FOXN3: variants seen among roughly 807,000 people sequenced by gnomAD.
FOXN3 encodes forkhead box protein N3.
Under a neutral mutation model 38.4 loss-of-function variants are expected in FOXN3, and 7 were observed. The observed-to-expected ratio is 0.18, with a 90% CI of 0.10 to 0.34. The LOEUF is 0.34. Among genes scored for constraint, FOXN3 ranks in the 10% least tolerant of loss-of-function variants. FOXN3 has a pLI of 1.00. For missense variants in FOXN3, 456 were observed against 613.4 expected, an observed-to-expected ratio of 0.74 and a Z score of 2.71; for synonymous variants, 230 against 242.2, an observed-to-expected ratio of 0.95 and a Z score of 0.47.
intron 4 of FOXN3, among the ~76,000 whole-genome samples, chr14:89,265,455 A>G (rs1054513630): frequency 6.6e-6 from 1 of 152,162 alleles, no homozygotes; most frequent in African/African-American, 2.4e-5. Flanking sequence ...AATCACTGTA[A>G]TCAGACCAGC....
At chr14:89,352,475 G>T (rs138853402) in intron 2 of FOXN3, among the ~76,000 whole-genome samples, 44 of 152,228 alleles carry the variant, frequency 2.9e-4, no homozygotes, top group African/African-American at 9.6e-4. Flanking sequence ...ACCAAATTTG[G>T]AAAACATAAA....
At chr14:89,585,774 A>G (rs1362125935) in intron 1 of FOXN3, among the ~76,000 whole-genome samples, 1 of 148,564 alleles carries the variant, frequency 6.7e-6, no homozygotes, top group East Asian at 1.9e-4. Context: ...AAAAAAAAAG[A>G]AAGGAAGGAA....
chr14:89,535,559 C>T (rs1163405351), intron 1 of FOXN3, among the ~76,000 whole-genome samples: 4 of 152,164 alleles, frequency 2.6e-5, no homozygotes, highest in Non-Finnish European at 5.9e-5. Context: ...AGTGAATAAA[C>T]TTTTTACTAA....
At chr14:89,336,256 A>ATTCATCTG in intron 3 of FOXN3, among the ~76,000 whole-genome samples, 1 of 151,232 alleles carries the variant, frequency 6.6e-6, no homozygotes, top group South Asian at 2.1e-4. Flanking sequence ...CCATTCATCC[A>ATTCATCTG]TCCACACAGA....
chr14:89,216,334 C>A (rs1375542625), intron 4 of FOXN3, among the ~76,000 whole-genome samples: 1 of 152,122 alleles, frequency 6.6e-6, no homozygotes, highest in Non-Finnish European at 1.5e-5. Context: ...TTACCCAAGG[C>A]AGAATCAGCT....
At chr14:89,416,296 AT>A (rs1891722237) in intron 1 of FOXN3, among the ~76,000 whole-genome samples, 1 of 152,202 alleles carries the variant, frequency 6.6e-6, no homozygotes. Flanking sequence ...GGGAGCTCGC[AT>A]ACCTTCACTG....
chr14:89,605,454 C>T (rs1255451843), intron 1 of FOXN3, among the ~76,000 whole-genome samples: 1 of 149,574 alleles, frequency 6.7e-6, no homozygotes, highest in African/African-American at 2.5e-5. Context: ...CAAAAGAATT[C>T]AAAAGAAAGC....
chr14:89,319,297 G>A (rs1440892026), intron 3 of FOXN3, among the ~76,000 whole-genome samples: 1 of 152,110 alleles, frequency 6.6e-6, no homozygotes. Flanking sequence ...TCAGCAAAAG[G>A]ATATGAAGCA....
chr14:89,295,797 G>C (rs985291057), intron 3 of FOXN3, among the ~76,000 whole-genome samples: 3 of 125,012 alleles, frequency 2.4e-5, no homozygotes, highest in African/African-American at 9.4e-5. Context: ...ACTGGGTCTT[G>C]CTATGTTTCC....
chr14:89,450,312 C>T (rs1221240985), intron 1 of FOXN3, among the ~76,000 whole-genome samples: 1 of 152,232 alleles, frequency 6.6e-6, no homozygotes, highest in Non-Finnish European at 1.5e-5. Flanking sequence ...CTTGTCTTAA[C>T]TAATTATACA....
At chr14:89,170,898 C>A (rs1162348806) in intron 5 of FOXN3, among the ~76,000 whole-genome samples, 1 of 151,504 alleles carries the variant, frequency 6.6e-6, no homozygotes, top group South Asian at 2.1e-4. Context: ...AAAATTATAA[C>A]CTTAAACTTC....
chr14:89,368,840 C>T (rs1046109499), intron 2 of FOXN3, among the ~76,000 whole-genome samples: 2 of 152,148 alleles, frequency 1.3e-5, no homozygotes, highest in East Asian at 1.9e-4. Flanking sequence ...CAACCCAAAG[C>T]TCATCCAGTT....
chr14:89,512,579 A>G (rs1261539557), intron 1 of FOXN3, among the ~76,000 whole-genome samples: 1 of 152,226 alleles, frequency 6.6e-6, no homozygotes, highest in Non-Finnish European at 1.5e-5. Context: ...CCTAACTCCA[A>G]TGATAAGAAT....
chr14:89,318,767 G>T (rs1021053985), intron 3 of FOXN3, among the ~76,000 whole-genome samples: 2 of 152,200 alleles, frequency 1.3e-5, no homozygotes, highest in Non-Finnish European at 2.9e-5. Flanking sequence ...GTGACTGGTG[G>T]AGCTGACCAC....
intron 1 of FOXN3, among the ~76,000 whole-genome samples, chr14:89,488,069 G>A (rs1227528997): frequency 6.6e-6 from 1 of 151,656 alleles, no homozygotes; most frequent in Non-Finnish European, 1.5e-5. Context: ...GTGCAGACAG[G>A]TAAGAGCTAG....
intron 1 of FOXN3, among the ~76,000 whole-genome samples, chr14:89,501,033 A>C (rs2139789207): frequency 6.6e-6 from 1 of 152,374 alleles, no homozygotes; most frequent in East Asian, 1.9e-4. Flanking sequence ...AAGACAGTGA[A>C]GGGCTCAGAT....
At chr14:89,410,082 A>G (rs1596258311) in intron 2 of FOXN3, among the ~76,000 whole-genome samples, 1 of 151,766 alleles carries the variant, frequency 6.6e-6, no homozygotes, top group Non-Finnish European at 1.5e-5. Flanking sequence ...CCCAGGCAAC[A>G]CCCCTCCCCA....
At chr14:89,231,386 C>A (rs957912098) in intron 4 of FOXN3, among the ~76,000 whole-genome samples, 1 of 152,188 alleles carries the variant, frequency 6.6e-6, no homozygotes, top group Non-Finnish European at 1.5e-5. Context: ...GTTGGCCACA[C>A]AGCATTCTGG....
At chr14:89,340,911 C>A (rs757252034) in intron 3 of FOXN3, among the ~76,000 whole-genome samples, 3 of 152,138 alleles carry the variant, frequency 2.0e-5, no homozygotes, top group Non-Finnish European at 4.4e-5. Flanking sequence ...TTGAAATCTG[C>A]ACTTAATTTC....
Sources: gnomAD v4.1 joint callset for allele counts (sites outside exome capture counted in the v4.1 genomes callset) on GRCh38, gnomAD v4.1.1 for gene constraint, MANE v1.5 for transcripts, NCBI Gene and HGNC (gene_info 2026-07-23, HGNC 2026-07-21) for gene names.